KAZN: variants seen among roughly 807,000 people sequenced by gnomAD.
The protein encoded by KAZN is kazrin.
Under a neutral mutation model 87.4 loss-of-function variants are expected in KAZN, and 40 were observed. The ratio of observed to expected loss-of-function variants is 0.46; its 90% CI spans 0.36 to 0.60. The LOEUF (loss-of-function observed/expected upper bound fraction) is 0.60. Among genes scored for constraint, KAZN ranks in the 20% least tolerant of loss-of-function variants. The pLI, the probability that KAZN is intolerant of heterozygous loss-of-function variation, is 0.00. For synonymous variants in KAZN, 466 were observed against 458.3 expected, an observed-to-expected ratio of 1.02 and a Z score of -0.22; for missense variants, 898 against 1,073.9, an observed-to-expected ratio of 0.84 and a Z score of 2.29.
intron 2 of KAZN, among the ~76,000 whole-genome samples, chr1:14,418,980 C>T (rs1665098272): frequency 6.6e-6 from 1 of 152,228 alleles, no homozygotes; most frequent in Non-Finnish European, 1.5e-5. Context: ...TGTCTGAAAA[C>T]TTCTAGCCTG....
At chr1:14,942,694 G>T (rs1224628688) in intron 1 of KAZN, among the ~76,000 whole-genome samples, 1 of 152,194 alleles carries the variant, frequency 6.6e-6, no homozygotes, top group Non-Finnish European at 1.5e-5. Flanking sequence ...GGACGCTTTT[G>T]CCCCTGGGCT....
intron 1 of KAZN, among the ~76,000 whole-genome samples, chr1:14,670,398 G>GATT (rs1394680528): frequency 1.3e-5 from 2 of 152,232 alleles, no homozygotes. Context: ...TTCTGCTTCA[G>GATT]TAGGTCTGAG....
At chr1:14,726,385 G>A (rs1643383034) in intron 1 of KAZN, among the ~76,000 whole-genome samples, 2 of 152,220 alleles carry the variant, frequency 1.3e-5, no homozygotes, top group African/African-American at 4.8e-5. Flanking sequence ...CCCACCAGAA[G>A]GAAGCGTCCC....
rs111796284 is a variant in KAZN, at chr1:14,917,917, C to A, written c.227-42767C>A. On this transcript the variant is annotated intron_variant, in intron 1 of 14. Coordinates refer to ENST00000376030, the MANE Select transcript of KAZN (RefSeq NM_201628.3). ...TTTTTGAGATGGAGTCTTGCTCTGT[C>A]GCCCAGGCTGGAGTGCAGTGGCGCG... Among the ~76,000 whole-genome samples, 9 of 151,790 alleles carry A rather than the reference C, an allele frequency of 5.9e-5. 1 individual carries two copies. Among genetic ancestry groups the A allele is most frequent in the African/African-American group, 2.2e-4 (9 of 41,374 alleles).
chr1:14,619,731 T>C (rs1678543599), intron 1 of KAZN, among the ~76,000 whole-genome samples: 1 of 152,214 alleles, frequency 6.6e-6, no homozygotes, highest in African/African-American at 2.4e-5. Flanking sequence ...ACAAATCTGC[T>C]TTCTGTATCT....
At position 14,662,439 on chromosome 1, in the gene KAZN, G is replaced by A. The variant is rs566807531; in HGVS notation, c.226+63216G>A. On this transcript the variant is annotated intron_variant, in intron 1 of 14. Transcript: ENST00000376030. ...CATGTTTGGGTCGGCTCCATCCCTT[G>A]TCTTCGGGACTAAACAGGAGGCCGA... Among the ~76,000 whole-genome samples the A allele has an allele frequency of 1.4e-4, 22 of 152,282 alleles. 1 individual carries two copies. Among genetic ancestry groups the A allele is most frequent in the Admixed American group, 1.2e-3 (19 of 15,298 alleles).
At chr1:15,050,163 TA>T (rs1674203806) in intron 4 of KAZN, among the ~76,000 whole-genome samples, 1 of 65,636 alleles carries the variant, frequency 1.5e-5, no homozygotes. Flanking sequence ...TAGAATGGAA[TA>T]GAATAGAATA....
intron 8 of KAZN, among the ~76,000 whole-genome samples, chr1:15,091,241 T>C (rs1640519721): frequency 6.6e-6 from 1 of 152,236 alleles, no homozygotes; most frequent in Admixed American, 6.5e-5. Context: ...CTCCACCTAG[T>C]ATATTGTATA....
At chr1:14,868,106 G>A (rs971734529) in intron 1 of KAZN, among the ~76,000 whole-genome samples, 1 of 151,586 alleles carries the variant, frequency 6.6e-6, no homozygotes, top group African/African-American at 2.4e-5. Context: ...CACATACACA[G>A]GCATTGCATA....
intron 1 of KAZN, among the ~76,000 whole-genome samples, chr1:14,715,526 C>T (rs1642746118): frequency 6.6e-6 from 1 of 152,228 alleles, no homozygotes; most frequent in African/African-American, 2.4e-5. Context: ...TCCTCCAAAA[C>T]CTCAGCGCTC....
At chr1:14,913,772 G>C (rs558629954) in intron 1 of KAZN, among the ~76,000 whole-genome samples, 1 of 152,226 alleles carries the variant, frequency 6.6e-6, no homozygotes, top group Non-Finnish European at 1.5e-5. Flanking sequence ...GGAGTCGCTC[G>C]GGCTGACGTG....
At chr1:14,311,300 C>T (rs1249903859) in intron 2 of KAZN, among the ~76,000 whole-genome samples, 1 of 152,176 alleles carries the variant, frequency 6.6e-6, no homozygotes, top group African/African-American at 2.4e-5. Context: ...GTCTTGGCTT[C>T]CTTACCTGCA....
At chr1:14,063,960 A>C (rs934468972) in intron 1 of KAZN, among the ~76,000 whole-genome samples, 1 of 151,716 alleles carries the variant, frequency 6.6e-6, no homozygotes, top group Non-Finnish European at 1.5e-5. Context: ...TCTCTCGCCC[A>C]GGCTCGAGTG....
intron 2 of KAZN, among the ~76,000 whole-genome samples, chr1:14,590,824 A>G (rs1370271668): frequency 1.3e-5 from 2 of 152,168 alleles, no homozygotes; most frequent in African/African-American, 2.4e-5. Context: ...ATCAGCAGCA[A>G]TATTATTCCC....
intron 2 of KAZN, among the ~76,000 whole-genome samples, chr1:14,528,772 TAGAC>T (rs368232735): frequency 6.3e-4 from 75 of 119,464 alleles, no homozygotes; most frequent in African/African-American, 1.9e-3. Context: ...AAAAAAAAAA[TAGAC>T]AGCTCTCCTC....
At chr1:13,901,142 C>G (rs1282429275) in intron 1 of KAZN, among the ~76,000 whole-genome samples, 1 of 152,138 alleles carries the variant, frequency 6.6e-6, no homozygotes, top group Non-Finnish European at 1.5e-5. Flanking sequence ...CAGCCACCCC[C>G]CGTCCCCTCC....
chr1:14,337,183 GAAGCTAGCAC>G (rs1440441383), intron 2 of KAZN, among the ~76,000 whole-genome samples: 1 of 152,218 alleles, frequency 6.6e-6, no homozygotes, highest in African/African-American at 2.4e-5. Context: ...CTTATTATTT[GAAGCTAGCAC>G]AAGTGTTTGA....
At chr1:14,278,365 A>G (rs1394936837) in intron 2 of KAZN, among the ~76,000 whole-genome samples, 1 of 141,648 alleles carries the variant, frequency 7.1e-6, no homozygotes, top group East Asian at 2.1e-4. Flanking sequence ...ATCTCTGCTC[A>G]TTGCAACCTC....
intron 1 of KAZN, among the ~76,000 whole-genome samples, chr1:14,067,589 A>T (rs1643059511): frequency 6.6e-6 from 1 of 152,110 alleles, no homozygotes; most frequent in South Asian, 2.1e-4. Context: ...GCTGCTCTGT[A>T]AACGCTTGTT....
Sources: allele counts gnomAD v4.1 joint callset (sites outside exome capture counted in the v4.1 genomes callset), GRCh38; gene constraint gnomAD v4.1.1; transcripts MANE v1.5; gene names NCBI Gene and HGNC (gene_info 2026-07-23, HGNC 2026-07-21).